CNBD2: variants seen among roughly 807,000 people sequenced by gnomAD.
CNBD2 encodes cyclic nucleotide-binding domain-containing protein 2.
CNBD2 carries 64 observed loss-of-function variants against 63.7 expected under a neutral mutation model. That is an observed-to-expected ratio of 1.00 (90% CI 0.82 to 1.24). The LOEUF is 1.24. CNBD2 is among the 50% of genes most tolerant of loss of function. CNBD2 has a pLI of 0.00. For synonymous variants in CNBD2, 229 were observed against 255.4 expected (o/e 0.90, Z 0.99); for missense variants, 691 against 713.5 (o/e 0.97, Z 0.36).
intron 3 of CNBD2, among the ~76,000 whole-genome samples, chr20:35,978,481 A>G (rs1266303270): frequency 6.6e-6 from 1 of 152,034 alleles, no homozygotes; most frequent in Non-Finnish European, 1.5e-5. Context: ...AGTAGCTGGA[A>G]CTAAAGGCGC....
Position 35,980,429 on chromosome 20 carries a change from C to T in CNBD2, c.244-30C>T, listed in dbSNP as rs1267665283. The T allele has an allele frequency of 3.1e-6, 5 of 1,612,238 alleles. No individual in the cohort carries two copies. The Admixed American group carries it at 5.0e-5, about 16-fold the overall frequency. On this transcript the variant is annotated intron_variant, in intron 3 of 11. Transcript: ENST00000373973. Reference sequence around the variant, plus strand: ...GGCCCATGGGTGAAATTGCTGGGTCCCCTGTATCACTCTGGTCCTCTCTCC... The same window carrying T: ...GGCCCATGGGTGAAATTGCTGGGTCTCCTGTATCACTCTGGTCCTCTCTCC...
chr20:35,989,910 G>A (rs576983578), intron 7 of CNBD2, among the ~76,000 whole-genome samples: 4 of 149,692 alleles, frequency 2.7e-5, no homozygotes, highest in Middle Eastern at 3.4e-3. Context: ...GGGAGGGGAG[G>A]GGGAAGAAAG....
Position 35,972,733 on chromosome 20 carries a change from T to C in CNBD2, c.156T>C (p.Ala52=). 2 of 1,614,152 alleles carry C rather than the reference T, an allele frequency of 1.2e-6. No homozygotes were observed. Among genetic ancestry groups the C allele is most frequent in the African/African-American group, 2.7e-5 (2 of 75,038 alleles). The stretch of plus-strand genomic sequence containing the variant: ...GGGAATATCAAATCATTGAGACTGC[T>C]CACTGGAAGCACCCTATCTTCTCCT... ...GFREYQIIET[A]HWKHPIFSFW... Residue 52 remains alanine (A), a synonymous_variant, in exon 2 of 12, where the codon GCT becomes GCC. Transcript: ENST00000373973.
intron 8 of CNBD2, among the ~76,000 whole-genome samples, chr20:36,001,326 G>A (rs1271141932): frequency 9.5e-5 from 14 of 147,838 alleles, no homozygotes; most frequent in South Asian, 6.4e-4. Flanking sequence ...GGGCAGAGGC[G>A]CCCCTCACCT....
chr20:35,994,861 C>T (rs998627238), intron 7 of CNBD2, among the ~76,000 whole-genome samples, 177 bp from the exon 8 acceptor site: 3 of 151,972 alleles, frequency 2.0e-5, no homozygotes, highest in Admixed American at 1.3e-4. Flanking sequence ...TGCTCTCCAG[C>T]GTGGGTGACA....
intron 10 of CNBD2, among the ~76,000 whole-genome samples, chr20:36,017,640 G>A (rs1221453644): frequency 6.6e-6 from 1 of 152,224 alleles, no homozygotes; most frequent in Non-Finnish European, 1.5e-5. Context: ...TCCTTAGCAT[G>A]TGATGCCCTT....
In CNBD2 at chr20:35,977,185, C is replaced by T. The variant is rs540792541; in HGVS notation, c.243+1183C>T. On this transcript the variant is annotated intron_variant, in intron 3 of 11. Transcript: ENST00000373973. ...CAATTCTGTGCACCGCAGTAGAGGG[C>T]GGGAAGAGGGCACAAAGGGAAAATT... Among the ~76,000 whole-genome samples, 14 of 152,226 alleles carry T rather than the reference C, an allele frequency of 9.2e-5. No homozygotes were observed. In the East Asian group the frequency reaches 2.1e-3, roughly 23 times the overall value.
rs755311100 is a variant in CNBD2, at chr20:36,030,645, T to G, written c.1728T>G (p.Ala576=). ...APRYKIRELL[A] is the part of the protein sequence containing the mutation. ...GGTACAAAATCCGAGAACTCTTGGC[T>G]TAGTGTAAGAGCACAGGGGTCCTTA... Residue 576 remains alanine, a synonymous_variant, in exon 12 of 12, where the codon GCT becomes GCG. Coordinates refer to ENST00000373973, the MANE Select transcript of CNBD2 (RefSeq NM_001365709.1). 2 of 1,614,072 alleles carry G rather than the reference T, an allele frequency of 1.2e-6. No homozygotes were observed. Among genetic ancestry groups the G allele is most frequent in the Non-Finnish European group, 1.7e-6 (2 of 1,180,002 alleles).
At chr20:35,992,395 A>G (rs998371431) in intron 7 of CNBD2, among the ~76,000 whole-genome samples, 44 of 152,340 alleles carry the variant, frequency 2.9e-4, no homozygotes, top group Admixed American at 3.3e-4. Flanking sequence ...GGAATTCTCA[A>G]ACTTTGGTAA....
intron 8 of CNBD2, among the ~76,000 whole-genome samples, chr20:36,001,459 C>T (rs1187743872): frequency 1.3e-5 from 2 of 151,646 alleles, no homozygotes; most frequent in Non-Finnish European, 3.0e-5. Context: ...AGGCGCCCCT[C>T]ACCTCCCAGA....
chr20:36,015,942 G>C (rs912849529), intron 10 of CNBD2, among the ~76,000 whole-genome samples: 2 of 152,130 alleles, frequency 1.3e-5, no homozygotes, highest in Admixed American at 6.6e-5. Flanking sequence ...GTATGGCAAG[G>C]GGGGAATGAA....
chr20:35,957,298 A>G (rs1175092552), downstream of CNBD2, among the ~76,000 whole-genome samples: 3 of 152,312 alleles, frequency 2.0e-5, no homozygotes, highest in South Asian at 2.1e-4. Flanking sequence ...AGATTGGCTC[A>G]GTAGTTGGCC....
downstream of CNBD2, chr20:35,957,708 T>C (rs1361959356): frequency 6.6e-6 from 1 of 152,200 alleles, no homozygotes. Context: ...TTTCATTCTT[T>C]TGAATTTTGC....
At chr20:36,009,284 C>T (rs2057025537) in intron 9 of CNBD2, among the ~76,000 whole-genome samples, 2 of 151,626 alleles carry the variant, frequency 1.3e-5, no homozygotes, top group Non-Finnish European at 2.9e-5. Context: ...TCACTGTAAG[C>T]TCCGCCTCCC....
At chr20:36,029,575 G>C (rs1427080371) in intron 11 of CNBD2, among the ~76,000 whole-genome samples, 1 of 152,164 alleles carries the variant, frequency 6.6e-6, no homozygotes, top group African/African-American at 2.4e-5. Context: ...CACACGGTCA[G>C]CTTTCATGAG....
Position 36,030,685 on chromosome 20 carries a change from A to G in CNBD2, c.*37A>G, listed in dbSNP as rs775060244. 19 of 1,604,362 alleles carry G rather than the reference A, an allele frequency of 1.2e-5. No individual in the cohort carries two copies. The highest frequency in any genetic ancestry group is 1.7e-5 in the Admixed American group (1 of 59,644). On this transcript the variant is annotated 3_prime_UTR_variant, in exon 12 of 12. Transcript: ENST00000373973. ...AGGGGTCCTTATTTAGGACAAATAA[A>G]GGATGGTGGATTGGGCGCTGTGCTT...
chr20:36,011,680 T>G (rs2057063659), intron 10 of CNBD2, among the ~76,000 whole-genome samples: 1 of 152,142 alleles, frequency 6.6e-6, no homozygotes, highest in African/African-American at 2.4e-5. Flanking sequence ...GGTATACAGA[T>G]TGGGAAGTAA....
downstream of CNBD2, chr20:35,955,421 G>A (rs1044877980): frequency 2.6e-5 from 4 of 152,154 alleles, no homozygotes; most frequent in African/African-American, 9.7e-5. Context: ...AATTGCATGT[G>A]CAGTTTACAT....
chr20:35,970,719 C>T (rs1340466621), intron 1 of CNBD2, among the ~76,000 whole-genome samples: 1 of 150,898 alleles, frequency 6.6e-6, no homozygotes, highest in Non-Finnish European at 1.5e-5. Flanking sequence ...TTGTTTGTTT[C>T]ATTTTGTTGT....
Sources: gnomAD v4.1 joint callset for allele counts (sites outside exome capture counted in the v4.1 genomes callset) on GRCh38, gnomAD v4.1.1 for gene constraint, MANE v1.5 for transcripts, NCBI Gene and HGNC (gene_info 2026-07-23, HGNC 2026-07-21) for gene names.